FSTL4: variants seen among roughly 807,000 people sequenced by gnomAD.
FSTL4 encodes the protein follistatin like 4.
In FSTL4, 28 loss-of-function variants were observed where a neutral mutation model predicts 78.2. That is an observed-to-expected ratio of 0.36 (90% CI 0.27 to 0.49). The LOEUF is 0.49. FSTL4 is among the 20% of genes least tolerant of loss of function. The pLI, the probability that FSTL4 is intolerant of heterozygous loss-of-function variation, is 0.98. For missense variants in FSTL4, 922 were observed against 1,084.9 expected (o/e 0.85, Z 2.11); for synonymous variants, 422 against 440.5 (o/e 0.96, Z 0.53).
chr5:133,267,105 G>A (rs1315247760), intron 6 of FSTL4, among the ~76,000 whole-genome samples: 2 of 152,220 alleles, frequency 1.3e-5, no homozygotes, highest in Non-Finnish European at 2.9e-5. Flanking sequence ...ACTTTTCCCG[G>A]GAGGAGGAAC....
chr5:133,632,791 A>G, the FSTL4 span, among the ~76,000 whole-genome samples: 1 of 152,028 alleles, frequency 6.6e-6, no homozygotes, highest in African/African-American at 2.4e-5. Context: ...GGCTTAAGCA[A>G]TCCTCCCAAT....
intron 3 of FSTL4, among the ~76,000 whole-genome samples, chr5:133,563,097 G>A (rs1233371604): frequency 1.3e-5 from 2 of 152,184 alleles, no homozygotes; most frequent in Non-Finnish European, 2.9e-5. Context: ...CTCATATAGG[G>A]AGGTCCCAGG....
chr5:133,839,593 T>C, the FSTL4 span, among the ~76,000 whole-genome samples: 2 of 152,200 alleles, frequency 1.3e-5, no homozygotes, highest in Admixed American at 1.3e-4. Flanking sequence ...GTACAGAACA[T>C]GCAAACATTG....
chr5:133,616,513 C>G (rs929148889), upstream of FSTL4, among the ~76,000 whole-genome samples: 16 of 152,064 alleles, frequency 1.1e-4, no homozygotes, highest in Non-Finnish European at 1.5e-5. Flanking sequence ...GGTGATCCTC[C>G]CACCTTAGCC....
In FSTL4 at chr5:133,440,977, G is replaced by A. The variant is rs547907119; in HGVS notation, c.161-39991C>T. On this transcript the variant is annotated intron_variant, in intron 3 of 15. Transcript: ENST00000265342. The surrounding 1 kb of genome is among the most constrained non-coding windows in gnomAD (Gnocchi z 4.1). ...AGGAAGAAAACACTCCCGGTGTCAGGGCCTGCACAGCACAGGGCCTGGCTT... is the reference window on the plus strand; with the variant it reads ...AGGAAGAAAACACTCCCGGTGTCAGAGCCTGCACAGCACAGGGCCTGGCTT... Among the ~76,000 whole-genome samples the A allele has an allele frequency of 1.6e-4, 25 of 152,292 alleles. No individual in the cohort carries two copies. Among genetic ancestry groups the A allele is most frequent in the Admixed American group, 1.6e-3 (24 of 15,304 alleles).
the FSTL4 span, among the ~76,000 whole-genome samples, chr5:133,652,950 C>G: frequency 2.6e-5 from 4 of 152,112 alleles, no homozygotes; most frequent in Non-Finnish European, 5.9e-5. Context: ...ATAAAATTAT[C>G]CACAGACTGA....
intron 13 of FSTL4, among the ~76,000 whole-genome samples, chr5:133,213,771 T>C (rs1438192305): frequency 1.3e-5 from 2 of 152,162 alleles, no homozygotes; most frequent in Non-Finnish European, 2.9e-5. Context: ...TAATTAATTA[T>C]GTTAAACATA....
chr5:133,655,070 C>A, the FSTL4 span, among the ~76,000 whole-genome samples: 1 of 152,184 alleles, frequency 6.6e-6, no homozygotes, highest in African/African-American at 2.4e-5. Context: ...ACTTTTCCAA[C>A]CCAATATAGC....
the FSTL4 span, among the ~76,000 whole-genome samples, chr5:133,651,806 T>TTAGAAAGTA: frequency 6.6e-6 from 1 of 152,188 alleles, no homozygotes; most frequent in African/African-American, 2.4e-5. Context: ...ATAGAATGAC[T>TTAGAAAGTA]TAGAAAGTAT....
rs190507162 is a variant in FSTL4 at position 133,217,512 on chromosome 5, G to C, written c.1459-134C>G. ...GAATCCTTTGGATCCATAGAACAGG[G>C]CACCCAAGCCCTCCAACATCACTGA... On this transcript the variant is annotated intron_variant, in intron 12 of 15. Coordinates refer to ENST00000265342, the MANE Select transcript of FSTL4 (RefSeq NM_015082.2). 2.4e-4 allele frequency: 184 copies of C among 765,474 alleles called. 2 individuals are homozygous for C. The East Asian group carries it at 5.0e-3, about 21-fold the overall frequency. 47.4% of individuals were successfully genotyped at this position (765,474 alleles called of 1,614,324 possible).
the FSTL4 span, among the ~76,000 whole-genome samples, chr5:133,797,388 T>C: frequency 2.0e-5 from 3 of 152,254 alleles, no homozygotes; most frequent in African/African-American, 7.2e-5. Context: ...GGATGCTATG[T>C]AGTAAGACTG....
chr5:133,567,824 T>G (rs73282002), intron 2 of FSTL4, among the ~76,000 whole-genome samples: 1,758 of 152,344 alleles, frequency 0.012, 36 homozygotes, highest in African/African-American at 0.04. Context: ...TGATGCTTAC[T>G]ATGCGCAGGG....
chr5:133,664,718 T>C, the FSTL4 span, among the ~76,000 whole-genome samples: 1 of 152,230 alleles, frequency 6.6e-6, no homozygotes, highest in Non-Finnish European at 1.5e-5. Flanking sequence ...CTATCATAGT[T>C]ATAGCTCCCT....
intron 8 of FSTL4, 111 bp downstream of exon 8, chr5:133,233,306 G>A: frequency 8.7e-7 from 1 of 1,148,798 alleles, no homozygotes; most frequent in South Asian, 1.4e-5. Flanking sequence ...GATATATTTT[G>A]GGGTTAGATA....
chr5:133,754,175 A>G, the FSTL4 span, among the ~76,000 whole-genome samples: 1 of 152,222 alleles, frequency 6.6e-6, no homozygotes, highest in Admixed American at 6.5e-5. Flanking sequence ...TAGACAAGAG[A>G]GCAAACCGGA....
intron 4 of FSTL4, among the ~76,000 whole-genome samples, chr5:133,352,303 TATATATATACACAC>T (rs1415712657): frequency 7.2e-6 from 1 of 138,240 alleles, no homozygotes; most frequent in East Asian, 2.0e-4. Flanking sequence ...TACACACACA[TATATATATACACAC>T]ATATATATAC....
At chr5:133,372,521 C>G (rs1044644889) in intron 4 of FSTL4, among the ~76,000 whole-genome samples, 1 of 152,132 alleles carries the variant, frequency 6.6e-6, no homozygotes, top group Non-Finnish European at 1.5e-5. Context: ...CAGCAGGAAG[C>G]CAGCCAACAG....
rs966158070 is a variant in FSTL4 at position 133,515,624 on chromosome 5, T to A, written c.160+51562A>T. On this transcript the variant is annotated intron_variant, in intron 3 of 15. Transcript: ENST00000265342. ...TTATAATAACTATAAATAGGTTAAA[T>A]CTTCCTGTGATAACATAAATAATTC... Among the ~76,000 whole-genome samples, 11 of 151,324 alleles carry A rather than the reference T, an allele frequency of 7.3e-5. No individual in the cohort carries two copies. The East Asian group carries it at 2.1e-3, about 29-fold the overall frequency.
chr5:133,708,704 G>T, the FSTL4 span, among the ~76,000 whole-genome samples: 1 of 152,156 alleles, frequency 6.6e-6, no homozygotes, highest in African/African-American at 2.4e-5. Context: ...CTTCCCCTCT[G>T]GTTATTCTCT....
Sources: gnomAD v4.1 joint callset for allele counts (sites outside exome capture counted in the v4.1 genomes callset) on GRCh38, gnomAD v4.1.1 for gene constraint, Gnocchi (gnomAD v3.1) non-coding constraint, MANE v1.5 for transcripts, NCBI Gene and HGNC (gene_info 2026-07-23, HGNC 2026-07-21) for gene names.